FCHSD2: variants seen among roughly 807,000 people sequenced by gnomAD.
FCHSD2 encodes FCH and double SH3 domains 2, also known as F-BAR and double SH3 domains protein 2.
A neutral mutation model predicts 108.1 loss-of-function variants in FCHSD2; 38 were observed. That is an observed-to-expected ratio of 0.35 (90% confidence interval 0.27 to 0.46). The LOEUF (loss-of-function observed/expected upper bound fraction) is 0.46. FCHSD2 is among the 20% of genes least tolerant of loss of function. The pLI is 1.00. For synonymous variants in FCHSD2, 279 were observed against 314.7 expected, an observed-to-expected ratio of 0.89 and a Z score of 1.20; for missense variants, 751 against 897.8, an observed-to-expected ratio of 0.84 and a Z score of 2.09.
intron 3 of FCHSD2, among the ~76,000 whole-genome samples, chr11:73,040,432 G>T (rs1200345191): frequency 6.6e-6 from 1 of 152,180 alleles, no homozygotes; most frequent in Non-Finnish European, 1.5e-5. Flanking sequence ...ATTTGTATGT[G>T]TCTGGTGTAT....
intron 3 of FCHSD2, among the ~76,000 whole-genome samples, chr11:73,061,454 C>T (rs565171678): frequency 2.0e-4 from 30 of 152,302 alleles, no homozygotes; most frequent in African/African-American, 6.7e-4. Context: ...ACCAGTGAGA[C>T]AGAACGATTC....
chr11:72,897,824 T>G (rs959442686), intron 10 of FCHSD2, among the ~76,000 whole-genome samples: 3 of 152,150 alleles, frequency 2.0e-5, no homozygotes, highest in African/African-American at 4.8e-5. Flanking sequence ...ACAGGAAGAT[T>G]TAAAGGCACA....
rs555444484 is a variant in FCHSD2, at chr11:72,841,471, C to T, written c.2039G>A (p.Arg680Gln). Reference sequence around the variant, plus strand: ...ACCCTTACCGTTTGCTGAAGGAGACCGGGGAAAGTACAGGGAGCTCCTCTT... The same window carrying T: ...ACCCTTACCGTTTGCTGAAGGAGACTGGGGAAAGTACAGGGAGCTCCTCTT... ...PDKRSSLYFP[R>Q]SPSANEKSLH... The change falls in exon 18 of 20, where the codon CGG (arginine) becomes CAG (glutamine). Residue 680 changes from arginine to glutamine, a missense_variant. Arg to Gln is a conservative substitution (Grantham distance 43). Transcript: ENST00000409418. 112 of 1,610,514 alleles carry T rather than the reference C, an allele frequency of 7.0e-5. 1 individual carries two copies. The highest frequency in any genetic ancestry group is 6.2e-4 in the South Asian group (56 of 90,240).
intron 2 of FCHSD2, among the ~76,000 whole-genome samples, chr11:73,092,431 T>C (rs114668595): frequency 0.014 from 2,112 of 152,062 alleles, 50 homozygotes; most frequent in African/African-American, 0.048. Flanking sequence ...CAAGCCACCA[T>C]ACCTGGCCCG....
chr11:73,107,211 T>A (rs573092594), intron 2 of FCHSD2, among the ~76,000 whole-genome samples: 1 of 152,142 alleles, frequency 6.6e-6, no homozygotes, highest in South Asian at 2.1e-4. Flanking sequence ...TGCGCCACCA[T>A]ACCCAGCTAA....
At chr11:72,907,967 T>C (rs1162607122) in intron 9 of FCHSD2, among the ~76,000 whole-genome samples, 1 of 152,184 alleles carries the variant, frequency 6.6e-6, no homozygotes, top group African/African-American at 2.4e-5. Flanking sequence ...ATATAGATCT[T>C]ATTCATTCTA....
At chr11:73,019,844 AC>A (rs1858059029) in intron 3 of FCHSD2, among the ~76,000 whole-genome samples, 1 of 152,224 alleles carries the variant, frequency 6.6e-6, no homozygotes, top group Non-Finnish European at 1.5e-5. Context: ...AGGTTTACTT[AC>A]ATAGAAAACA....
chr11:73,015,112 G>A (rs921280431), intron 4 of FCHSD2, among the ~76,000 whole-genome samples: 6 of 152,124 alleles, frequency 3.9e-5, no homozygotes, highest in Non-Finnish European at 7.4e-5. Flanking sequence ...CCCAAGTGCT[G>A]GGATTACAGG....
intron 3 of FCHSD2, among the ~76,000 whole-genome samples, chr11:73,055,511 CT>C (rs1429789038): frequency 1.3e-5 from 2 of 152,018 alleles, no homozygotes; most frequent in African/African-American, 2.4e-5. Flanking sequence ...AGTTTTAAAC[CT>C]TGAGATACAA....
chr11:72,945,342 C>T (rs896627704), intron 8 of FCHSD2, among the ~76,000 whole-genome samples: 2 of 152,194 alleles, frequency 1.3e-5, no homozygotes, highest in African/African-American at 4.8e-5. Context: ...TACTGGCTAG[C>T]CATATGTAGA....
chr11:72,933,916 T>C (rs1231720917), intron 8 of FCHSD2, among the ~76,000 whole-genome samples: 1 of 151,804 alleles, frequency 6.6e-6, no homozygotes, highest in Non-Finnish European at 1.5e-5. Flanking sequence ...CAAGACTAAC[T>C]TGGGCAACAC....
chr11:73,053,145 C>CTT (rs771262833), intron 3 of FCHSD2, among the ~76,000 whole-genome samples: 40 of 102,904 alleles, frequency 3.9e-4, no homozygotes, highest in Middle Eastern at 5.9e-3. Flanking sequence ...TGCACCCAGC[C>CTT]TTTTTTTTTT....
At chr11:72,851,692 G>A (rs1326285295) in intron 13 of FCHSD2, among the ~76,000 whole-genome samples, 1 of 152,048 alleles carries the variant, frequency 6.6e-6, no homozygotes, top group African/African-American at 2.4e-5. Context: ...GCAGTGAGCC[G>A]AGATTGTGCC....
intron 8 of FCHSD2, among the ~76,000 whole-genome samples, chr11:72,932,356 G>C (rs554156415): frequency 6.6e-6 from 1 of 151,952 alleles, no homozygotes; most frequent in East Asian, 1.9e-4. Flanking sequence ...TATTTTACTT[G>C]ACTGCTCTAC....
intron 8 of FCHSD2, chr11:72,940,740 T>C (rs950151072): frequency 1.2e-6 from 1 of 864,640 alleles, no homozygotes; most frequent in Admixed American, 1.7e-5. Flanking sequence ...GTGCAACTAA[T>C]GGCAAGCCTG....
chr11:72,921,156 A>G (rs1855969898), intron 9 of FCHSD2, among the ~76,000 whole-genome samples: 1 of 152,248 alleles, frequency 6.6e-6, no homozygotes, highest in African/African-American at 2.4e-5. Context: ...TTAGTCAGGA[A>G]ACATTTATTG....
At position 73,001,130 on chromosome 11, in the gene FCHSD2, T is replaced by A. The variant is rs1341367344; in HGVS notation, c.247A>T (p.Met83Leu). The A allele has an allele frequency of 6.2e-7, 1 of 1,612,702 alleles. No homozygotes were observed. The highest frequency in any genetic ancestry group is 1.1e-5 in the South Asian group (1 of 90,708). ...AGAAAAGATTTCCAAACGGGATACATGCTCCTAAATTCAAAGAGGGATAGA... is the reference window on the plus strand; with the variant it reads ...AGAAAAGATTTCCAAACGGGATACAAGCTCCTAAATTCAAAGAGGGATAGA... Reference protein sequence around the residue: ...KADDRNDYRSMYPVWKSFLEG... With the variant: ...KADDRNDYRSLYPVWKSFLEG... The change falls in exon 5 of 20, where the codon ATG becomes TTG. Residue 83 changes from methionine to leucine, a missense_variant. Physicochemically the swap from Met to Leu is conservative, Grantham distance 15. Transcript: ENST00000409418.
chr11:73,022,554 A>G lies in FCHSD2; in HGVS notation c.166-6669T>C, dbSNP rs181110602. On this transcript the variant is annotated intron_variant, in intron 3 of 19. Coordinates refer to ENST00000409418, the MANE Select transcript of FCHSD2 (RefSeq NM_014824.3). The stretch of plus-strand genomic sequence containing the variant: ...AATGTTTGCAGGATCTGTATGTGGA[A>G]AAGTCCATAATACTAATGAAAGAAA... Among the ~76,000 whole-genome samples, 8 of 152,342 alleles carry G rather than the reference A, an allele frequency of 5.3e-5. No homozygotes were observed. The East Asian group carries it at 1.5e-3, about 29-fold the overall frequency.
At chr11:72,923,243 A>C (rs1265640529) in intron 8 of FCHSD2, among the ~76,000 whole-genome samples, 1 of 152,174 alleles carries the variant, frequency 6.6e-6, no homozygotes, top group East Asian at 1.9e-4. Context: ...AAAATAAATA[A>C]ATAATGCTGC....
Sources: gnomAD v4.1 joint callset for allele counts (sites outside exome capture counted in the v4.1 genomes callset) on GRCh38, gnomAD v4.1.1 for gene constraint, MANE v1.5 for transcripts, NCBI Gene and HGNC (gene_info 2026-07-23, HGNC 2026-07-21) for gene names.